The following EDIL3 variants were observed in gnomAD, a reference collection of about 807,000 sequenced individuals.
EDIL3 encodes EGF-like repeat and discoidin I-like domain-containing protein 3.
In EDIL3, 37 loss-of-function variants were observed where a neutral mutation model predicts 67.4. That is an observed-to-expected ratio of 0.55 (90% CI 0.42 to 0.72). The LOEUF (loss-of-function observed/expected upper bound fraction) is 0.72. Ranked by LOEUF, EDIL3 falls within the 30% of genes least tolerant of loss-of-function variation. The pLI is 0.00. For missense variants in EDIL3, 527 were observed against 586.3 expected (o/e 0.90, Z 1.04); for synonymous variants, 195 against 196.3 (o/e 0.99, Z 0.05).
chr5:84,283,024 A>G (rs1046858848), intron 1 of EDIL3, among the ~76,000 whole-genome samples: 10 of 152,162 alleles, frequency 6.6e-5, no homozygotes, highest in Non-Finnish European at 1.0e-4. Context: ...GGGTATAAAT[A>G]AAATGCATCT....
At chr5:84,282,541 T>C (rs1049753240) in intron 1 of EDIL3, among the ~76,000 whole-genome samples, 1 of 152,210 alleles carries the variant, frequency 6.6e-6, no homozygotes, top group Non-Finnish European at 1.5e-5. Context: ...GGATTGAAGT[T>C]TTTCCTGTTT....
chr5:84,102,188 T>C (rs1747379787), intron 6 of EDIL3, among the ~76,000 whole-genome samples: 1 of 152,046 alleles, frequency 6.6e-6, no homozygotes, highest in Non-Finnish European at 1.5e-5. Flanking sequence ...GAATCACCTA[T>C]GATAAACCCA....
chr5:84,282,229 TC>T (rs1474809080), intron 1 of EDIL3, among the ~76,000 whole-genome samples: 1 of 152,126 alleles, frequency 6.6e-6, no homozygotes, highest in African/African-American at 2.4e-5. Context: ...TGTGTGCCCC[TC>T]TTTTATTACA....
intron 1 of EDIL3, among the ~76,000 whole-genome samples, chr5:84,315,653 T>C (rs1746498153): frequency 6.6e-6 from 1 of 152,078 alleles, no homozygotes; most frequent in African/African-American, 2.4e-5. Context: ...CTAGGGAAGT[T>C]TCCCTGAATG....
intron 5 of EDIL3, among the ~76,000 whole-genome samples, chr5:84,131,342 A>G (rs963817345): frequency 6.6e-6 from 1 of 152,186 alleles, no homozygotes; most frequent in Non-Finnish European, 1.5e-5. Flanking sequence ...CAAATAGAAA[A>G]TGTTTAAACT....
At chr5:84,373,719 TAAG>T (rs573774361) in intron 1 of EDIL3, among the ~76,000 whole-genome samples, 2 of 151,378 alleles carry the variant, frequency 1.3e-5, no homozygotes, top group Non-Finnish European at 2.9e-5. Context: ...GAAAAACACA[TAAG>T]AAGGATTAGA....
chr5:84,183,419 T>G (rs760728661), intron 3 of EDIL3, among the ~76,000 whole-genome samples: 28 of 151,986 alleles, frequency 1.8e-4, no homozygotes, highest in Non-Finnish European at 2.6e-4. Flanking sequence ...TGAAACTAAC[T>G]GATAACTGAC....
intron 8 of EDIL3, among the ~76,000 whole-genome samples, chr5:84,063,068 A>C (rs1002954204): frequency 1.3e-5 from 2 of 152,126 alleles, no homozygotes; most frequent in Non-Finnish European, 2.9e-5. Context: ...TGAGAAAATA[A>C]AACCTGTAAA....
chr5:84,296,954 G>T (rs770581866), intron 1 of EDIL3, among the ~76,000 whole-genome samples: 2 of 152,038 alleles, frequency 1.3e-5, no homozygotes, highest in Non-Finnish European at 2.9e-5. Context: ...AGGCTGAGAC[G>T]GGCGGATCAC....
intron 1 of EDIL3, among the ~76,000 whole-genome samples, chr5:84,363,068 A>AT (rs1747647465): frequency 6.6e-6 from 1 of 152,126 alleles, no homozygotes. Context: ...TTCTACTTTA[A>AT]GTATATACCT....
intron 9 of EDIL3, among the ~76,000 whole-genome samples, chr5:83,983,536 T>A (rs1745007321): frequency 6.6e-6 from 1 of 152,068 alleles, no homozygotes; most frequent in Non-Finnish European, 1.5e-5. Flanking sequence ...GGTGGAGTAT[T>A]AAGAACTTCA....
At chr5:84,206,965 C>A (rs369602474) in intron 3 of EDIL3, among the ~76,000 whole-genome samples, 1,562 of 152,208 alleles carry the variant, frequency 0.01, 31 homozygotes, top group African/African-American at 0.035. Context: ...AACTGGAAGC[C>A]TTCCCTTTGA....
At chr5:84,078,270 T>G (rs1332873108) in intron 6 of EDIL3, among the ~76,000 whole-genome samples, 10 of 152,138 alleles carry the variant, frequency 6.6e-5, no homozygotes, top group African/African-American at 2.4e-4. Context: ...GAATCGAATA[T>G]TAAAATATAA....
At chr5:84,305,843 C>A (rs779281921) in intron 1 of EDIL3, among the ~76,000 whole-genome samples, 1 of 151,948 alleles carries the variant, frequency 6.6e-6, no homozygotes, top group African/African-American at 2.4e-5. Context: ...CATGCCATTG[C>A]ACTCCAGCCT....
chr5:83,989,846 G>C (rs963296753), intron 9 of EDIL3, among the ~76,000 whole-genome samples: 1 of 152,144 alleles, frequency 6.6e-6, no homozygotes, highest in Non-Finnish European at 1.5e-5. Flanking sequence ...GTTTCTCCTA[G>C]CTGGCTTGAT....
At chr5:84,145,274 G>A (rs1748272192) in intron 4 of EDIL3, among the ~76,000 whole-genome samples, 1 of 152,108 alleles carries the variant, frequency 6.6e-6, no homozygotes, top group African/African-American at 2.4e-5. Context: ...ATGAGCAGGA[G>A]TTTTTATAGC....
At position 84,066,530 on chromosome 5, in the gene EDIL3, A is replaced by G; in HGVS notation, c.728T>C (p.Ile243Thr). 1 of 1,613,578 alleles carries G rather than the reference A, an allele frequency of 6.2e-7. No homozygotes were observed. Among genetic ancestry groups the G allele is most frequent in the Non-Finnish European group, 8.5e-7 (1 of 1,179,834 alleles). The change falls in exon 7 of 11, where the codon ATA becomes ACA. Residue 243 changes from isoleucine (I) to threonine (T), a missense_variant. Transcript: ENST00000296591. ...ACTGTAGGCAATTTTGTAGGATTTT[A>G]TATACTCTGGGCTTCCAATCCTCTT... is the stretch of plus-strand genomic sequence containing the variant. ...GAKRIGSPEY[I>T]KSYKIAYSND...
intron 6 of EDIL3, among the ~76,000 whole-genome samples, chr5:84,096,074 T>C (rs1008492291): frequency 6.6e-6 from 1 of 152,206 alleles, no homozygotes; most frequent in Admixed American, 6.5e-5. Flanking sequence ...AATGCCTGGA[T>C]GCCCAGGCAG....
chr5:84,212,297 G>C (rs995155063), intron 3 of EDIL3, among the ~76,000 whole-genome samples: 3 of 152,164 alleles, frequency 2.0e-5, no homozygotes, highest in African/African-American at 7.2e-5. Flanking sequence ...ACAGATAAAA[G>C]TGGAGAGAAG....
Sources: allele counts gnomAD v4.1 joint callset (sites outside exome capture counted in the v4.1 genomes callset), GRCh38; gene constraint gnomAD v4.1.1; transcripts MANE v1.5; gene names NCBI Gene and HGNC (gene_info 2026-07-23, HGNC 2026-07-21).